HPSE2: variants seen among roughly 807,000 people sequenced by gnomAD.
HPSE2 encodes heparanase 2 (inactive).
Under a neutral mutation model 60.5 loss-of-function variants are expected in HPSE2, and 38 were observed. The ratio of observed to expected loss-of-function variants is 0.63; its 90% CI spans 0.48 to 0.82. HPSE2 has a LOEUF of 0.82. Among genes scored for constraint, HPSE2 ranks in the 40% least tolerant of loss-of-function variants. The pLI is 0.00. For synonymous variants in HPSE2, 295 were observed against 293.2 expected (o/e 1.01, Z -0.06); for missense variants, 713 against 740.4 (o/e 0.96, Z 0.43).
chr10:99,146,331 CTA>C (rs1165453494), intron 2 of HPSE2, among the ~76,000 whole-genome samples: 1 of 152,182 alleles, frequency 6.6e-6, no homozygotes, highest in Non-Finnish European at 1.5e-5. Flanking sequence ...AAAAACTACA[CTA>C]TACAATTTCC....
the HPSE2 span, among the ~76,000 whole-genome samples, chr10:99,242,364 A>T: frequency 6.6e-6 from 1 of 152,168 alleles, no homozygotes; most frequent in Non-Finnish European, 1.5e-5. Context: ...GCTCCACCTC[A>T]TCATATTAAG....
At chr10:98,607,852 T>A (rs1945637070) in intron 9 of HPSE2, among the ~76,000 whole-genome samples, 1 of 152,180 alleles carries the variant, frequency 6.6e-6, no homozygotes, top group Admixed American at 6.5e-5. Flanking sequence ...CAAATACATA[T>A]CAAATATATA....
intron 9 of HPSE2, among the ~76,000 whole-genome samples, chr10:98,595,046 CATTT>C (rs1252312384): frequency 6.6e-6 from 1 of 151,902 alleles, no homozygotes; most frequent in Non-Finnish European, 1.5e-5. Context: ...GAGATCTTTC[CATTT>C]ATTTGTGTCT....
chr10:98,598,135 C>T (rs1016766299), intron 9 of HPSE2, among the ~76,000 whole-genome samples: 2 of 151,270 alleles, frequency 1.3e-5, no homozygotes, highest in African/African-American at 4.9e-5. Flanking sequence ...GGTATGTCAC[C>T]TTGTTTTTAT....
At chr10:99,037,268 C>CTCCAAACTA (rs1957631177) in intron 3 of HPSE2, among the ~76,000 whole-genome samples, 4 of 152,000 alleles carry the variant, frequency 2.6e-5, no homozygotes, top group Admixed American at 6.6e-5. Context: ...GATCCTGGGA[C>CTCCAAACTA]ACAAAAAGGA....
intron 6 of HPSE2, among the ~76,000 whole-genome samples, chr10:98,679,715 G>T (rs1947736425): frequency 6.6e-6 from 1 of 152,014 alleles, no homozygotes; most frequent in Non-Finnish European, 1.5e-5. Flanking sequence ...TGAGAAATAG[G>T]GTCTTGCTCT....
the HPSE2 span, among the ~76,000 whole-genome samples, chr10:99,287,919 G>T: frequency 6.6e-6 from 1 of 152,282 alleles, no homozygotes; most frequent in South Asian, 2.1e-4. Flanking sequence ...AAAAAAGAAA[G>T]AAATGTTGTG....
chr10:99,311,248 C>T, the HPSE2 span, among the ~76,000 whole-genome samples: 1 of 152,122 alleles, frequency 6.6e-6, no homozygotes, highest in Non-Finnish European at 1.5e-5. Flanking sequence ...AGATACTGAA[C>T]ATAAAAATTT....
intron 3 of HPSE2, among the ~76,000 whole-genome samples, chr10:98,831,639 G>T (rs982333157): frequency 3.3e-5 from 5 of 152,136 alleles, no homozygotes; most frequent in Non-Finnish European, 5.9e-5. Flanking sequence ...CAAGGGCAGT[G>T]GTTCTCAAAT....
At chr10:99,185,312 T>TA (rs1442645414) in intron 2 of HPSE2, among the ~76,000 whole-genome samples, 2 of 149,228 alleles carry the variant, frequency 1.3e-5, no homozygotes, top group Admixed American at 6.7e-5. Context: ...CTCAAAAAAA[T>TA]AAAAAATAAC....
rs184623560 is a variant in HPSE2 at position 99,181,494 on chromosome 10, A to G, written c.449-37095T>C. Reference sequence around the variant, plus strand: ...TTGGAACCAACCAAAACGCCCATCAATGATAGACTGGATAAAGAAAATGTG... The same window carrying G: ...TTGGAACCAACCAAAACGCCCATCAGTGATAGACTGGATAAAGAAAATGTG... On this transcript the variant is annotated intron_variant, in intron 2 of 11. Coordinates refer to ENST00000370552, the MANE Select transcript of HPSE2 (RefSeq NM_021828.5). Among the ~76,000 whole-genome samples, 470 of 152,220 alleles carry G rather than the reference A, an allele frequency of 3.1e-3. 3 individuals carry two copies. The highest frequency in any genetic ancestry group is 0.011 in the African/African-American group (446 of 41,522).
chr10:98,823,906 G>GA lies in HPSE2; in HGVS notation c.611-79851dup, dbSNP rs530737562. Among the ~76,000 whole-genome samples the GA allele has an allele frequency of 5.9e-5, 9 of 152,120 alleles. No homozygotes were observed. In the South Asian group the frequency reaches 6.2e-4, roughly 11 times the overall value. ...CCTAATATTTATAGAACTCCAAACA[G>GA]AAAAAATGCATGCTTTTCAATCAAC... On this transcript the variant is annotated intron_variant, in intron 3 of 11. Coordinates refer to ENST00000370552, the MANE Select transcript of HPSE2 (RefSeq NM_021828.5).
intron 3 of HPSE2, among the ~76,000 whole-genome samples, chr10:98,888,119 G>T (rs970132212): frequency 5.1e-5 from 7 of 138,274 alleles, no homozygotes; most frequent in Non-Finnish European, 1.1e-4. Flanking sequence ...CTGCAAAAGG[G>T]ATAGGTTTTA....
At chr10:98,598,851 C>T (rs965523993) in intron 9 of HPSE2, among the ~76,000 whole-genome samples, 5 of 151,974 alleles carry the variant, frequency 3.3e-5, no homozygotes, top group African/African-American at 7.3e-5. Context: ...ATAGAGCCTG[C>T]GATCATGGGT....
chr10:99,202,153 TATAGAG>T (rs1848596507), intron 2 of HPSE2, among the ~76,000 whole-genome samples: 1 of 152,198 alleles, frequency 6.6e-6, no homozygotes, highest in African/African-American at 2.4e-5. Context: ...TATAGACAGA[TATAGAG>T]ATAGAGATAT....
chr10:99,132,225 GA>G (rs1845458685), intron 3 of HPSE2, among the ~76,000 whole-genome samples: 1 of 17,000 alleles, frequency 5.9e-5, no homozygotes, highest in African/African-American at 9.2e-5. Flanking sequence ...GAGAGAGAGA[GA>G]GAGAGAGAGA....
the HPSE2 span, among the ~76,000 whole-genome samples, chr10:99,247,654 A>G: frequency 2.6e-5 from 4 of 152,214 alleles, no homozygotes; most frequent in Non-Finnish European, 5.9e-5. Flanking sequence ...CAAGACACAC[A>G]TCTCACACAT....
intron 3 of HPSE2, among the ~76,000 whole-genome samples, chr10:98,825,494 C>T (rs1252514339): frequency 6.6e-6 from 1 of 152,062 alleles, no homozygotes; most frequent in East Asian, 1.9e-4. Context: ...TCCCTAACAT[C>T]TGAACCTAGT....
intron 3 of HPSE2, among the ~76,000 whole-genome samples, chr10:98,948,928 A>T (rs989716160): frequency 6.6e-6 from 1 of 152,180 alleles, no homozygotes; most frequent in African/African-American, 2.4e-5. Context: ...TAAATACAAC[A>T]TATAAAATAT....
Sources: gnomAD v4.1 joint callset for allele counts (sites outside exome capture counted in the v4.1 genomes callset) on GRCh38, gnomAD v4.1.1 for gene constraint, MANE v1.5 for transcripts, NCBI Gene and HGNC (gene_info 2026-07-23, HGNC 2026-07-21) for gene names.